RBFOX1: variants seen among roughly 807,000 people sequenced by gnomAD.
RBFOX1 encodes the protein RNA binding protein fox-1 homolog 1.
In RBFOX1, 8 loss-of-function variants were observed where a neutral mutation model predicts 57.7. The ratio of observed to expected loss-of-function variants is 0.14; its 90% CI spans 0.08 to 0.25. RBFOX1 has a LOEUF of 0.25. Among genes scored for constraint, RBFOX1 ranks in the 10% least tolerant of loss-of-function variants. The probability of loss-of-function intolerance (pLI) is 1.00; values close to 1 mark genes in which losing one functional copy is unlikely to be tolerated. For missense variants in RBFOX1, 611 were observed against 548.5 expected, an observed-to-expected ratio of 1.11 and a Z score of -1.14; for synonymous variants, 326 against 222.4, an observed-to-expected ratio of 1.47 and a Z score of -4.15.
chr16:5,855,996 T>G (rs1236765017), intron 3 of RBFOX1, among the ~76,000 whole-genome samples: 1 of 139,564 alleles, frequency 7.2e-6, no homozygotes, highest in Admixed American at 7.4e-5. Context: ...TTTTTTTTTT[T>G]GCTATCGTCA....
At chr16:7,256,315 G>C (rs545979600) in intron 4 of RBFOX1, among the ~76,000 whole-genome samples, 1 of 152,142 alleles carries the variant, frequency 6.6e-6, no homozygotes, top group Admixed American at 6.5e-5. Context: ...CACAGTCAGC[G>C]AGCAGATCTC....
intron 3 of RBFOX1, among the ~76,000 whole-genome samples, chr16:6,717,792 A>G (rs61387632): frequency 6.6e-6 from 1 of 152,302 alleles, no homozygotes; most frequent in African/African-American, 2.4e-5. Context: ...ACATGGACCC[A>G]GCAGAAAATA....
intron 5 of RBFOX1, among the ~76,000 whole-genome samples, chr16:7,576,333 C>T (rs1447118097): frequency 6.6e-6 from 1 of 152,124 alleles, no homozygotes; most frequent in African/African-American, 2.4e-5. Context: ...GATTCCAAAA[C>T]CCTGGTTCAT....
chr16:7,023,971 G>A (rs1305565767), intron 3 of RBFOX1, among the ~76,000 whole-genome samples: 1 of 152,094 alleles, frequency 6.6e-6, no homozygotes, highest in Non-Finnish European at 1.5e-5. Context: ...TCTCCTAGGG[G>A]ATGTTTTGAT....
rs531780824 is a variant in RBFOX1 at position 7,409,135 on chromosome 16, G to A, written c.28-109012G>A. On this transcript the variant is annotated intron_variant, in intron 4 of 15. Coordinates refer to ENST00000550418, the MANE Select transcript of RBFOX1 (RefSeq NM_018723.4). The stretch of plus-strand genomic sequence containing the variant: ...GCTCTAAGCCAGATCAGCAGAATCC[G>A]GCCTGTGATCAGGTTCCGGGAGCTG... Among the ~76,000 whole-genome samples, 4 of 152,250 alleles carry A rather than the reference G, an allele frequency of 2.6e-5. No homozygotes were observed. In the East Asian group the frequency reaches 7.7e-4, roughly 29 times the overall value.
intron 3 of RBFOX1, among the ~76,000 whole-genome samples, chr16:6,888,799 G>T (rs908153719): frequency 6.6e-6 from 1 of 152,062 alleles, no homozygotes; most frequent in Non-Finnish European, 1.5e-5. Context: ...TCACCCTATT[G>T]TGTTACCAAA....
intron 4 of RBFOX1, among the ~76,000 whole-genome samples, chr16:7,158,899 G>A (rs557452837): frequency 2.0e-5 from 3 of 152,204 alleles, no homozygotes; most frequent in South Asian, 2.1e-4. Flanking sequence ...ACACGTGTGT[G>A]TAATTATTTG....
At chr16:6,477,243 A>G (rs1309459352) in intron 2 of RBFOX1, among the ~76,000 whole-genome samples, 1 of 152,210 alleles carries the variant, frequency 6.6e-6, no homozygotes, top group Non-Finnish European at 1.5e-5. Flanking sequence ...TTTTTAGAAT[A>G]TTTCAGTGTA....
intron 13 of RBFOX1, 60 bp downstream of exon 13, chr16:7,665,028 A>G (rs1471984775): frequency 2.5e-6 from 4 of 1,613,424 alleles, no homozygotes; most frequent in Admixed American, 3.3e-5. Flanking sequence ...TCTTTTTACA[A>G]GTTTGCTGTG....
At chr16:6,600,490 C>T (rs550388560) in intron 2 of RBFOX1, among the ~76,000 whole-genome samples, 1 of 152,170 alleles carries the variant, frequency 6.6e-6, no homozygotes, top group Non-Finnish European at 1.5e-5. Context: ...AGCAGAGTCT[C>T]CAAACCCTTT....
chr16:6,780,420 TTATATATATTTATAGATATATTTA>T (rs1567217123), intron 3 of RBFOX1, among the ~76,000 whole-genome samples: 1 of 110,454 alleles, frequency 9.1e-6, no homozygotes, highest in Non-Finnish European at 1.7e-5. Flanking sequence ...TTATATATAT[TTATATATATTTATAGATATATTTA>T]TATATACATT....
At chr16:5,365,556 C>G (rs528031124) in intron 1 of RBFOX1, among the ~76,000 whole-genome samples, 1 of 152,186 alleles carries the variant, frequency 6.6e-6, no homozygotes, top group East Asian at 1.9e-4. Flanking sequence ...GTAGTCCCAG[C>G]TACTTGGGAG....
intron 2 of RBFOX1, among the ~76,000 whole-genome samples, chr16:5,493,774 G>A (rs2151677663): frequency 6.6e-6 from 1 of 152,338 alleles, no homozygotes; most frequent in South Asian, 2.1e-4. Context: ...CTTCCCATCA[G>A]AGACCTTGAA....
intron 3 of RBFOX1, among the ~76,000 whole-genome samples, chr16:6,837,263 C>T (rs769166302): frequency 6.6e-6 from 1 of 152,210 alleles, no homozygotes; most frequent in Non-Finnish European, 1.5e-5. Flanking sequence ...CTCATCTGAG[C>T]GTGCTGCTAG....
chr16:6,457,719 G>C (rs547631661), intron 2 of RBFOX1, among the ~76,000 whole-genome samples: 1 of 152,288 alleles, frequency 6.6e-6, no homozygotes, highest in Non-Finnish European at 1.5e-5. Context: ...TAGGATGAAT[G>C]ATAATGTGGA....
chr16:6,122,444 G>A lies in RBFOX1; in HGVS notation c.-127+102452G>A, dbSNP rs571723716. On this transcript the variant is annotated intron_variant, in intron 1 of 15. Coordinates refer to ENST00000550418, the MANE Select transcript of RBFOX1 (RefSeq NM_018723.4). ...GCTGGGAATTCTTGAATGAACAAATGCACTTTATGAATTCCCTAATCCTTT... is the reference window on the plus strand; with the variant it reads ...GCTGGGAATTCTTGAATGAACAAATACACTTTATGAATTCCCTAATCCTTT... 5.3e-5 allele frequency among the ~76,000 whole-genome samples: 8 copies of A among 151,654 alleles called. No homozygotes were observed. In the East Asian group the frequency reaches 1.2e-3, roughly 22 times the overall value.
At chr16:6,627,807 C>A (rs1246853306) in intron 2 of RBFOX1, among the ~76,000 whole-genome samples, 1 of 152,104 alleles carries the variant, frequency 6.6e-6, no homozygotes, top group Non-Finnish European at 1.5e-5. Context: ...GTGTGCCCTA[C>A]AAGGAAGAGA....
chr16:5,540,028 A>G (rs1255767925), intron 2 of RBFOX1, among the ~76,000 whole-genome samples: 1 of 152,140 alleles, frequency 6.6e-6, no homozygotes, highest in African/African-American at 2.4e-5. Flanking sequence ...TTCTGTTCTG[A>G]TTTCTGCCAA....
intron 3 of RBFOX1, among the ~76,000 whole-genome samples, chr16:6,939,023 C>A (rs933688341): frequency 1.3e-5 from 2 of 152,090 alleles, no homozygotes; most frequent in Non-Finnish European, 2.9e-5. Flanking sequence ...TAGAGATCTG[C>A]CTTGACATGT....
Sources: allele counts gnomAD v4.1 joint callset (sites outside exome capture counted in the v4.1 genomes callset), GRCh38; gene constraint gnomAD v4.1.1; transcripts MANE v1.5; gene names NCBI Gene and HGNC (gene_info 2026-07-23, HGNC 2026-07-21).